Variants in FUT9 observed in about 807,000 individuals in gnomAD.
FUT9 encodes the protein fucosyltransferase 9.
FUT9 carries 15 observed loss-of-function variants against 29.7 expected under a neutral mutation model. That is an observed-to-expected ratio of 0.51 (90% confidence interval 0.34 to 0.78). FUT9 has a LOEUF of 0.78. FUT9 is among the 30% of genes least tolerant of loss of function. The probability of loss-of-function intolerance (pLI) is 0.01; values close to 1 mark genes in which losing one functional copy is unlikely to be tolerated. For synonymous variants in FUT9, 169 were observed against 153.7 expected, an observed-to-expected ratio of 1.10 and a Z score of -0.74; for missense variants, 319 against 425.4, an observed-to-expected ratio of 0.75 and a Z score of 2.20.
chr6:96,146,012 C>T (rs1772560876), intron 2 of FUT9, among the ~76,000 whole-genome samples: 1 of 151,992 alleles, frequency 6.6e-6, no homozygotes, highest in East Asian at 1.9e-4. Context: ...GACACCATCC[C>T]CACTAATTAT....
chr6:96,175,961 C>T (rs1310936077), intron 2 of FUT9, among the ~76,000 whole-genome samples: 1 of 152,226 alleles, frequency 6.6e-6, no homozygotes, highest in African/African-American at 2.4e-5. Flanking sequence ...AACAAATTTG[C>T]TGAGGGCCCA....
chr6:96,118,852 T>G (rs1771965453), intron 2 of FUT9, among the ~76,000 whole-genome samples: 2 of 151,988 alleles, frequency 1.3e-5, no homozygotes, highest in East Asian at 3.9e-4. Context: ...GGTTTGTATC[T>G]TAGTTTTTAC....
chr6:96,041,536 C>T (rs1247912400), intron 1 of FUT9, among the ~76,000 whole-genome samples: 1 of 152,130 alleles, frequency 6.6e-6, no homozygotes, highest in Non-Finnish European at 1.5e-5. Flanking sequence ...TCTTTTAGAG[C>T]TACTGGCAGT....
chr6:96,087,606 C>A (rs529773465), intron 1 of FUT9, among the ~76,000 whole-genome samples: 1 of 152,058 alleles, frequency 6.6e-6, no homozygotes, highest in Non-Finnish European at 1.5e-5. Context: ...ACCTCATGAT[C>A]CGCCCACCTC....
At chr6:96,027,652 A>C (rs1206959960) in intron 1 of FUT9, among the ~76,000 whole-genome samples, 2 of 151,700 alleles carry the variant, frequency 1.3e-5, no homozygotes, top group East Asian at 3.9e-4. Flanking sequence ...AAAAACATCA[A>C]CAAAAGGACT....
intron 2 of FUT9, among the ~76,000 whole-genome samples, chr6:96,144,270 G>C (rs1307518964): frequency 6.6e-6 from 1 of 152,100 alleles, no homozygotes; most frequent in Non-Finnish European, 1.5e-5. Context: ...TTTGTTTGCA[G>C]CTTCCAGTGT....
At chr6:96,054,009 C>A (rs2127939939) in intron 1 of FUT9, among the ~76,000 whole-genome samples, 1 of 152,172 alleles carries the variant, frequency 6.6e-6, no homozygotes, top group South Asian at 2.1e-4. Flanking sequence ...TTTAATCTTG[C>A]TAAATAAAGC....
intron 2 of FUT9, among the ~76,000 whole-genome samples, chr6:96,202,786 G>A (rs1467930539): frequency 6.6e-6 from 1 of 152,134 alleles, no homozygotes; most frequent in Non-Finnish European, 1.5e-5. Flanking sequence ...CAAATCTGAT[G>A]TGGTTACAAA....
chr6:96,038,688 A>G (rs955048962), intron 1 of FUT9, among the ~76,000 whole-genome samples: 1 of 152,152 alleles, frequency 6.6e-6, no homozygotes, highest in African/African-American at 2.4e-5. Flanking sequence ...ACATCCATCA[A>G]TGACTTTTAA....
chr6:96,072,265 A>G (rs1185950888), intron 1 of FUT9, among the ~76,000 whole-genome samples: 2 of 152,166 alleles, frequency 1.3e-5, no homozygotes, highest in African/African-American at 4.8e-5. Flanking sequence ...CCCTCTCTCC[A>G]TATCTCTTAT....
intron 1 of FUT9, among the ~76,000 whole-genome samples, chr6:96,027,438 T>A (rs1225129499): frequency 6.6e-6 from 1 of 151,612 alleles, no homozygotes; most frequent in African/African-American, 2.4e-5. Flanking sequence ...TTTGTCATAG[T>A]TTTTTTCTCT....
intron 1 of FUT9, among the ~76,000 whole-genome samples, chr6:96,040,579 A>C (rs904582826): frequency 3.3e-5 from 5 of 152,172 alleles, no homozygotes; most frequent in African/African-American, 1.2e-4. Context: ...CCTACTCTGT[A>C]GTATCCTGGC....
intron 1 of FUT9, among the ~76,000 whole-genome samples, chr6:96,102,888 G>A (rs1271447951): frequency 6.6e-6 from 1 of 152,118 alleles, no homozygotes; most frequent in African/African-American, 2.4e-5. Context: ...TGCTACACTG[G>A]AATGTGTGAC....
chr6:96,128,497 G>C (rs1159859997), intron 2 of FUT9, among the ~76,000 whole-genome samples: 1 of 152,100 alleles, frequency 6.6e-6, no homozygotes, highest in African/African-American at 2.4e-5. Flanking sequence ...TAAGTGTTGT[G>C]GAAAATTTGA....
chr6:96,129,593 T>C (rs1199747011), intron 2 of FUT9, among the ~76,000 whole-genome samples: 1 of 151,998 alleles, frequency 6.6e-6, no homozygotes, highest in Non-Finnish European at 1.5e-5. Flanking sequence ...TATATACAAA[T>C]GTGTATAAAG....
At chr6:96,154,835 A>C (rs1772745689) in intron 2 of FUT9, among the ~76,000 whole-genome samples, 1 of 152,222 alleles carries the variant, frequency 6.6e-6, no homozygotes. Flanking sequence ...ACACTTCTGA[A>C]CCAATCAATG....
rs1053596099 is a variant in FUT9 at position 96,206,076 on chromosome 6, C to T, written c.*1841C>T. Reference sequence around the variant, plus strand: ...GGATAGACATATAAAAGCTTCCTTTCAATTCAGCCTGAGACTGTTTATATG... The same window carrying T: ...GGATAGACATATAAAAGCTTCCTTTTAATTCAGCCTGAGACTGTTTATATG... On this transcript the variant is annotated 3_prime_UTR_variant, in exon 3 of 3. Coordinates refer to ENST00000302103, the MANE Select transcript of FUT9 (RefSeq NM_006581.4). The T allele has an allele frequency of 2.4e-5, 4 of 166,966 alleles. No individual in the cohort carries two copies. Among genetic ancestry groups the T allele is most frequent in the Non-Finnish European group, 5.9e-5 (4 of 68,108 alleles). The allele number at this position is 166,966 out of a possible 1,614,324, so 10.3% of individuals were successfully genotyped here. A position where few individuals can be genotyped will look rare whatever the true frequency, so the allele number is the denominator to read the frequency against.
intron 1 of FUT9, among the ~76,000 whole-genome samples, chr6:96,018,986 T>C (rs1770025670): frequency 6.6e-6 from 1 of 151,998 alleles, no homozygotes; most frequent in Admixed American, 6.5e-5. Flanking sequence ...GGTATTATTT[T>C]GGTATTTGGA....
At chr6:96,069,510 T>C (rs1479233992) in intron 1 of FUT9, among the ~76,000 whole-genome samples, 1 of 152,124 alleles carries the variant, frequency 6.6e-6, no homozygotes, top group East Asian at 1.9e-4. Flanking sequence ...AGAATACCTT[T>C]AGGAAATTTA....
Sources: allele counts gnomAD v4.1 joint callset (sites outside exome capture counted in the v4.1 genomes callset), GRCh38; gene constraint gnomAD v4.1.1; transcripts MANE v1.5; gene names NCBI Gene and HGNC (gene_info 2026-07-23, HGNC 2026-07-21).